ABI3BP: variants seen among roughly 807,000 people sequenced by gnomAD.
ABI3BP encodes ABI family member 3 binding protein.
A neutral mutation model predicts 268.6 loss-of-function variants in ABI3BP; 216 were observed. The observed-to-expected ratio is 0.80, with a 90% CI of 0.72 to 0.90. The LOEUF (loss-of-function observed/expected upper bound fraction) is 0.90. Ranked by LOEUF, ABI3BP falls within the 40% of genes least tolerant of loss-of-function variation. The pLI is 0.00. For missense variants in ABI3BP, 2,090 were observed against 2,182.4 expected (o/e 0.96, Z 0.84); for synonymous variants, 730 against 730.0 (o/e 1.00, Z 0.00).
chr3:100,810,367 T>G lies in ABI3BP; in HGVS notation c.3607+45A>C, dbSNP rs1268608851. On this transcript the variant is annotated intron_variant, in intron 49 of 67. Transcript: ENST00000471714. ...TCTTGAGGTGACCATACTGACATTC[T>G]GCAAACACTCACCTCATATATGACA... 12 of 1,474,916 alleles carry G rather than the reference T, an allele frequency of 8.1e-6. No individual in the cohort carries two copies. The East Asian group carries it at 3.0e-4, about 36-fold the overall frequency. The allele number at this position is 1,474,916 out of a possible 1,614,324, so 91.4% of individuals were successfully genotyped here. A position where few individuals can be genotyped will look rare whatever the true frequency, so the allele number is the denominator to read the frequency against.
intron 2 of ABI3BP, among the ~76,000 whole-genome samples, chr3:100,925,867 T>TTTAATC (rs1464213429): frequency 0.12 from 2 of 16 alleles, no homozygotes; most frequent in African/African-American, 0.33. Context: ...AACTTTAATC[T>TTTAATC]TTTTTCTCTG....
chr3:100,953,740 G>T (rs2075911715), intron 1 of ABI3BP, among the ~76,000 whole-genome samples: 1 of 152,078 alleles, frequency 6.6e-6, no homozygotes, highest in Admixed American at 6.6e-5. Context: ...TTATGGAGAA[G>T]GTGAGACTTC....
At chr3:100,910,655 G>A (rs970459553) in intron 2 of ABI3BP, among the ~76,000 whole-genome samples, 2 of 152,088 alleles carry the variant, frequency 1.3e-5, no homozygotes, top group South Asian at 4.2e-4. Flanking sequence ...AATTACAGGT[G>A]TGAGCCACTG....
chr3:100,773,386 C>A (rs1394885090), intron 61 of ABI3BP, among the ~76,000 whole-genome samples: 1 of 152,052 alleles, frequency 6.6e-6, no homozygotes, highest in Non-Finnish European at 1.5e-5. Context: ...TAAGTGGTTG[C>A]AAATTAAAAC....
chr3:100,919,619 GA>G (rs1211223695), intron 2 of ABI3BP, among the ~76,000 whole-genome samples: 7 of 152,180 alleles, frequency 4.6e-5, no homozygotes, highest in African/African-American at 1.7e-4. Flanking sequence ...AATAAAGTGA[GA>G]AACTTCAAAG....
intron 29 of ABI3BP, among the ~76,000 whole-genome samples, 195 bp from the exon 30 acceptor site, chr3:100,833,352 T>C (rs1296322564): frequency 6.6e-6 from 1 of 152,200 alleles, no homozygotes; most frequent in Non-Finnish European, 1.5e-5. Flanking sequence ...CCTTAGCATC[T>C]GTAACATGGT....
chr3:100,754,250 T>C (rs961204307), intron 64 of ABI3BP, among the ~76,000 whole-genome samples: 21 of 152,198 alleles, frequency 1.4e-4, no homozygotes, highest in African/African-American at 3.9e-4. Context: ...CATTAAGGAA[T>C]TGGAGATTGT....
At chr3:100,751,718 T>G (rs1422262259) in intron 66 of ABI3BP, 44 bp from the exon 67 acceptor site, 2 of 1,524,224 alleles carry the variant, frequency 1.3e-6, no homozygotes, top group East Asian at 4.7e-5. Context: ...CTTTCTTACT[T>G]TGAAATGTGA....
chr3:100,785,533 T>C (rs2097010546), intron 57 of ABI3BP, among the ~76,000 whole-genome samples: 1 of 152,226 alleles, frequency 6.6e-6, no homozygotes, highest in South Asian at 2.1e-4. Flanking sequence ...TAGATGATCA[T>C]GTTATCTATA....
intron 3 of ABI3BP, among the ~76,000 whole-genome samples, chr3:100,900,314 T>C (rs1002665244): frequency 6.6e-6 from 1 of 152,226 alleles, no homozygotes; most frequent in Non-Finnish European, 1.5e-5. Context: ...GGGATGATTG[T>C]GATCTTCCCT....
intron 31 of ABI3BP, 47 bp downstream of exon 31, chr3:100,832,217 C>T (rs73135584): frequency 0.18 from 275,130 of 1,495,856 alleles, 27,714 homozygotes; most frequent in South Asian, 0.26. Flanking sequence ...ACAGTCCCAA[C>T]CGTGGTAGAC....
intron 1 of ABI3BP, among the ~76,000 whole-genome samples, chr3:100,943,489 C>A (rs1275008792): frequency 3.9e-5 from 6 of 152,036 alleles, no homozygotes; most frequent in Non-Finnish European, 7.4e-5. Flanking sequence ...ATCTGTGTAA[C>A]CCAAACCTTT....
At chr3:100,777,129 C>T (rs530428659) in intron 59 of ABI3BP, among the ~76,000 whole-genome samples, 9 of 152,334 alleles carry the variant, frequency 5.9e-5, no homozygotes, top group African/African-American at 1.7e-4. Context: ...GCACATGGGA[C>T]GTCCTACAAG....
chr3:100,949,600 C>T (rs533541829), intron 1 of ABI3BP, among the ~76,000 whole-genome samples: 3 of 152,214 alleles, frequency 2.0e-5, no homozygotes, highest in African/African-American at 4.8e-5. Context: ...ATTTGGTATT[C>T]GTTTTTGGGA....
At chr3:100,986,934 A>G (rs1227122841) in intron 1 of ABI3BP, among the ~76,000 whole-genome samples, 1 of 152,052 alleles carries the variant, frequency 6.6e-6, no homozygotes, top group African/African-American at 2.4e-5. Flanking sequence ...TATGTTTAGC[A>G]TGTTCCTTCT....
At chr3:100,811,552 C>A (rs78353844) in intron 47 of ABI3BP, among the ~76,000 whole-genome samples, 176 bp downstream of exon 47, 5 of 152,200 alleles carry the variant, frequency 3.3e-5, no homozygotes, top group East Asian at 3.9e-4. Context: ...TTTCTGTATT[C>A]AGAGAGAGTC....
Position 100,847,600 on chromosome 3 carries a change from A to G in ABI3BP, c.1648+2T>C, listed in dbSNP as rs750367952. 2.5e-6 allele frequency: 4 copies of G among 1,607,550 alleles called. No individual in the cohort carries two copies. The South Asian group carries it at 4.4e-5, about 18-fold the overall frequency. On this transcript the variant is annotated splice_donor_variant, in intron 19 of 67. Coordinates refer to ENST00000471714, the MANE Select transcript of ABI3BP (RefSeq NM_001375547.2). LOFTEE classifies it high-confidence loss of function. ...CATCTACTAAGGACATATCATTATTACCCGGTGTTGTCCATGTAGGTTCAG... is the reference window on the plus strand; with the variant it reads ...CATCTACTAAGGACATATCATTATTGCCCGGTGTTGTCCATGTAGGTTCAG...
At chr3:100,832,999 A>G (rs1241482748) in intron 30 of ABI3BP, 126 bp downstream of exon 30, 22 of 796,098 alleles carry the variant, frequency 2.8e-5, no homozygotes, top group Non-Finnish European at 3.7e-5. Context: ...CAAGCTTTCC[A>G]TATTTTGAGA....
At chr3:100,893,633 T>G (rs1315557669) in intron 4 of ABI3BP, among the ~76,000 whole-genome samples, 1 of 151,344 alleles carries the variant, frequency 6.6e-6, no homozygotes, top group Admixed American at 6.6e-5. Flanking sequence ...GGATGAGGAC[T>G]GTGCAGATGG....
Sources: allele counts gnomAD v4.1 joint callset (sites outside exome capture counted in the v4.1 genomes callset), GRCh38; gene constraint gnomAD v4.1.1; transcripts MANE v1.5; gene names NCBI Gene and HGNC (gene_info 2026-07-23, HGNC 2026-07-21).